Variants in LTBP1 observed in about 807,000 individuals in gnomAD.
LTBP1 encodes the protein latent-transforming growth factor beta-binding protein 1.
A neutral mutation model predicts 207.6 loss-of-function variants in LTBP1; 129 were observed. The ratio of observed to expected loss-of-function variants is 0.62; its 90% CI spans 0.54 to 0.72. The LOEUF (loss-of-function observed/expected upper bound fraction) is 0.72. Ranked by LOEUF, LTBP1 falls within the 30% of genes least tolerant of loss-of-function variation. LTBP1 has a pLI of 0.00. For synonymous variants in LTBP1, 963 were observed against 833.7 expected, an observed-to-expected ratio of 1.16 and a Z score of -2.67; for missense variants, 2,281 against 2,217.2, an observed-to-expected ratio of 1.03 and a Z score of -0.58.
chr2:33,093,629 G>A (rs748774289), intron 3 of LTBP1, among the ~76,000 whole-genome samples: 3 of 151,846 alleles, frequency 2.0e-5, no homozygotes, highest in Non-Finnish European at 4.4e-5. Flanking sequence ...ATATATGTAC[G>A]CACATGTGTA....
chr2:32,975,255 T>G (rs1175233552), intron 2 of LTBP1, among the ~76,000 whole-genome samples: 1 of 152,222 alleles, frequency 6.6e-6, no homozygotes, highest in Non-Finnish European at 1.5e-5. Context: ...GCTGTTAGTC[T>G]GGTGGAGTTC....
In LTBP1 at chr2:33,322,125, T is replaced by C. The variant is rs569070893; in HGVS notation, c.3730+6856T>C. 8.9e-5 allele frequency among the ~76,000 whole-genome samples: 8 copies of C among 89,502 alleles called. No homozygotes were observed. In the South Asian group the frequency reaches 2.6e-3, roughly 29 times the overall value. The allele number at this position is 89,502 out of a possible 152,430, so 58.7% of individuals were successfully genotyped here. A position where few individuals can be genotyped will look rare whatever the true frequency, so the allele number is the denominator to read the frequency against. ...ATAGTAGCAAAAAATTTGAGATCTC[T>C]TCCTAAGCCTTTTTTTTTTTTTATC... On this transcript the variant is annotated intron_variant, in intron 24 of 33. Coordinates refer to ENST00000404816, the MANE Select transcript of LTBP1 (RefSeq NM_206943.4).
At position 33,252,999 on chromosome 2, in the gene LTBP1, A is replaced by G. The variant is rs190336528; in HGVS notation, c.2167+155A>G. On this transcript the variant is annotated intron_variant, in intron 11 of 33. Coordinates refer to ENST00000404816, the MANE Select transcript of LTBP1 (RefSeq NM_206943.4). ...CCTTTGTAGAAACTGTACACATACA[A>G]TGTTGAATCAGTGGGAAAAAATTAT... is the stretch of plus-strand genomic sequence containing the variant. Among the ~76,000 whole-genome samples the G allele has an allele frequency of 1.2e-4, 19 of 152,346 alleles. No individual in the cohort carries two copies. The East Asian group carries it at 2.9e-3, about 23-fold the overall frequency.
chr2:33,171,941 A>G (rs2085498188), intron 5 of LTBP1, among the ~76,000 whole-genome samples: 1 of 152,200 alleles, frequency 6.6e-6, no homozygotes, highest in Non-Finnish European at 1.5e-5. Context: ...AAAATACTTT[A>G]CAGACAAGCA....
At chr2:33,272,518 A>G (rs2093344152) in intron 15 of LTBP1, among the ~76,000 whole-genome samples, 1 of 152,252 alleles carries the variant, frequency 6.6e-6, no homozygotes, top group Admixed American at 6.5e-5. Flanking sequence ...TGACTTCAAT[A>G]TGAACAATAA....
chr2:32,972,577 G>A (rs1032052662), intron 2 of LTBP1, among the ~76,000 whole-genome samples: 2 of 152,062 alleles, frequency 1.3e-5, no homozygotes, highest in Non-Finnish European at 2.9e-5. Flanking sequence ...TAGTTGTATG[G>A]TGATATGGTT....
chr2:33,181,476 T>TCCTTTTGCTCATTTTGA (rs1166888282), intron 5 of LTBP1, among the ~76,000 whole-genome samples: 11 of 152,238 alleles, frequency 7.2e-5, no homozygotes, highest in Non-Finnish European at 1.6e-4. Flanking sequence ...CCAGCATGGA[T>TCCTTTTGCTCATTTTGA]CCTTTTGCTC....
intron 4 of LTBP1, among the ~76,000 whole-genome samples, chr2:33,121,328 ACAT>A (rs749550965): frequency 6.6e-6 from 1 of 152,010 alleles, no homozygotes; most frequent in Non-Finnish European, 1.5e-5. Context: ...TTTGTGAAAA[ACAT>A]CATAATTACT....
intron 3 of LTBP1, among the ~76,000 whole-genome samples, chr2:33,067,750 G>C (rs2077592653): frequency 6.6e-6 from 1 of 152,242 alleles, no homozygotes; most frequent in African/African-American, 2.4e-5. Context: ...TTAGGGACTG[G>C]AATATCCACA....
At chr2:33,186,351 G>GGAGAAT (rs555464701) in intron 5 of LTBP1, among the ~76,000 whole-genome samples, 278 of 152,302 alleles carry the variant, frequency 1.8e-3, no homozygotes, top group African/African-American at 6.3e-3. Context: ...ATCACATCAT[G>GGAGAAT]GAGAATGAGG....
chr2:33,125,761 T>G (rs1572748324), intron 4 of LTBP1, among the ~76,000 whole-genome samples: 1 of 148,714 alleles, frequency 6.7e-6, no homozygotes, highest in Admixed American at 6.8e-5. Flanking sequence ...ACCCGGGAGG[T>G]GGAGGTTGCA....
At chr2:33,259,990 G>A (rs1468607688) in intron 13 of LTBP1, among the ~76,000 whole-genome samples, 3 of 152,156 alleles carry the variant, frequency 2.0e-5, no homozygotes, top group African/African-American at 4.8e-5. Flanking sequence ...TATTCTTAGA[G>A]CACATATATA....
At chr2:33,382,487 A>G (rs1019553135) in intron 31 of LTBP1, among the ~76,000 whole-genome samples, 5 of 152,042 alleles carry the variant, frequency 3.3e-5, no homozygotes, top group African/African-American at 1.2e-4. Flanking sequence ...CCTCCTGGCT[A>G]CAGATGGTGT....
intron 19 of LTBP1, among the ~76,000 whole-genome samples, chr2:33,280,673 C>T (rs930063686): frequency 2.8e-4 from 42 of 152,282 alleles, no homozygotes; most frequent in African/African-American, 9.6e-4. Context: ...ATCTTTTTCC[C>T]TAAAACTTGA....
intron 26 of LTBP1, among the ~76,000 whole-genome samples, chr2:33,351,079 A>G (rs1177535999): frequency 6.6e-6 from 1 of 152,224 alleles, no homozygotes; most frequent in Non-Finnish European, 1.5e-5. Context: ...GTGGTTAGTT[A>G]TATTATAAAG....
At chr2:33,088,753 T>C (rs897546397) in intron 3 of LTBP1, among the ~76,000 whole-genome samples, 4 of 152,084 alleles carry the variant, frequency 2.6e-5, no homozygotes, top group African/African-American at 9.7e-5. Flanking sequence ...GACAAATGAG[T>C]GAAACTAAAA....
rs1299518068 is a variant in LTBP1 at position 33,244,493 on chromosome 2, C to T, written c.1999+709C>T. Among the ~76,000 whole-genome samples the T allele has an allele frequency of 3.3e-5, 5 of 152,286 alleles. No individual in the cohort carries two copies. In the South Asian group the frequency reaches 6.2e-4, roughly 19 times the overall value. The stretch of plus-strand genomic sequence containing the variant: ...TTTCACCAAAGAGATACTCCCTCTC[C>T]GTGTAAATTAATCCATGTAATCACT... On this transcript the variant is annotated intron_variant, in intron 10 of 33. Coordinates refer to ENST00000404816, the MANE Select transcript of LTBP1 (RefSeq NM_206943.4).
chr2:33,178,268 G>C (rs1302324492), intron 5 of LTBP1, among the ~76,000 whole-genome samples: 1 of 152,190 alleles, frequency 6.6e-6, no homozygotes, highest in Admixed American at 6.5e-5. Flanking sequence ...CAGCATCTGT[G>C]ATGAAGAATG....
At chr2:33,006,027 C>T (rs1332648074) in intron 2 of LTBP1, among the ~76,000 whole-genome samples, 1 of 152,130 alleles carries the variant, frequency 6.6e-6, no homozygotes, top group East Asian at 1.9e-4. Flanking sequence ...TCCACAGAAG[C>T]CTGTCCCTAA....
Sources: allele counts gnomAD v4.1 joint callset (sites outside exome capture counted in the v4.1 genomes callset), GRCh38; gene constraint gnomAD v4.1.1; transcripts MANE v1.5; gene names NCBI Gene and HGNC (gene_info 2026-07-23, HGNC 2026-07-21).